The following GPR39 variants were observed in gnomAD, a reference collection of about 807,000 sequenced individuals.
GPR39 encodes zinc sensing receptor.
GPR39 carries 23 observed loss-of-function variants against 18.4 expected under a neutral mutation model. The ratio of observed to expected loss-of-function variants is 1.25; its 90% CI spans 0.90 to 1.77. GPR39 has a LOEUF of 1.77. Among genes scored for constraint, GPR39 ranks in the 40% most tolerant of loss-of-function variants. The pLI is 0.00. For missense variants in GPR39, 647 were observed against 602.4 expected (o/e 1.07, Z -0.78); for synonymous variants, 280 against 257.9 (o/e 1.09, Z -0.82).
At chr2:132,574,757 T>C (rs533109313) in intron 1 of GPR39, among the ~76,000 whole-genome samples, 74 of 152,360 alleles carry the variant, frequency 4.9e-4, no homozygotes, top group Admixed American at 4.0e-3. Flanking sequence ...TGTTACAATT[T>C]ATTCTATTAG....
intron 1 of GPR39, among the ~76,000 whole-genome samples, chr2:132,630,094 C>G (rs998342733): frequency 1.3e-5 from 2 of 152,176 alleles, no homozygotes; most frequent in African/African-American, 4.8e-5. Flanking sequence ...CTATGCCAAG[C>G]ACTGCAGACG....
At chr2:132,643,538 C>G (rs1681907271) in intron 1 of GPR39, among the ~76,000 whole-genome samples, 1 of 152,180 alleles carries the variant, frequency 6.6e-6, no homozygotes, top group Non-Finnish European at 1.5e-5. Context: ...TTTATTGAGA[C>G]AGTTTCACTC....
intron 1 of GPR39, among the ~76,000 whole-genome samples, chr2:132,575,524 G>A (rs1680514720): frequency 6.6e-6 from 1 of 152,180 alleles, no homozygotes; most frequent in Non-Finnish European, 1.5e-5. Context: ...AAGCAACTGT[G>A]AAACTGTTTT....
At chr2:132,518,316 C>T (rs185550802) in intron 1 of GPR39, among the ~76,000 whole-genome samples, 1 of 152,256 alleles carries the variant, frequency 6.6e-6, no homozygotes, top group Admixed American at 6.5e-5. Flanking sequence ...GATTTATGTC[C>T]CTCTCCAATT....
chr2:132,428,339 T>C (rs927313562), intron 1 of GPR39, among the ~76,000 whole-genome samples: 2 of 152,224 alleles, frequency 1.3e-5, no homozygotes, highest in Admixed American at 6.5e-5. Context: ...TGGTTCCTCC[T>C]TTCAAGGAGC....
chr2:132,591,623 G>A (rs995721832), intron 1 of GPR39, among the ~76,000 whole-genome samples: 2 of 152,114 alleles, frequency 1.3e-5, no homozygotes, highest in South Asian at 2.1e-4. Flanking sequence ...TGTCCCTCTA[G>A]AGAACACTGA....
At chr2:132,565,670 G>C (rs1216253497) in intron 1 of GPR39, among the ~76,000 whole-genome samples, 86 of 146,172 alleles carry the variant, frequency 5.9e-4, no homozygotes, top group African/African-American at 1.8e-3. Context: ...TTGTTCTTGC[G>C]ATAGTTTACT....
chr2:132,565,471 A>G (rs1197077115), intron 1 of GPR39, among the ~76,000 whole-genome samples: 24 of 150,070 alleles, frequency 1.6e-4, no homozygotes, highest in Non-Finnish European at 3.0e-4. Context: ...ACATATGTAT[A>G]CATGTGCCAT....
chr2:132,555,493 C>T (rs1449313711), intron 1 of GPR39, among the ~76,000 whole-genome samples: 1 of 152,166 alleles, frequency 6.6e-6, no homozygotes, highest in Admixed American at 6.5e-5. Context: ...CAAGTTGGTG[C>T]TGGGGCTACT....
intron 1 of GPR39, among the ~76,000 whole-genome samples, chr2:132,525,872 G>T (rs1178179083): frequency 6.6e-6 from 1 of 152,204 alleles, no homozygotes; most frequent in African/African-American, 2.4e-5. Flanking sequence ...CCCAAAAAAG[G>T]GGGTGGGGGA....
chr2:132,476,566 G>A (rs1681130132), intron 1 of GPR39, among the ~76,000 whole-genome samples: 2 of 149,154 alleles, frequency 1.3e-5, no homozygotes, highest in South Asian at 2.2e-4. Flanking sequence ...AACCCGGGAG[G>A]TGGAGGTTGC....
intron 1 of GPR39, chr2:132,644,857 T>C (rs1005844130): frequency 1.6e-5 from 8 of 508,582 alleles, no homozygotes; most frequent in Non-Finnish European, 2.4e-5. Flanking sequence ...ATAAATACAC[T>C]GTCTAAAGCA....
intron 1 of GPR39, among the ~76,000 whole-genome samples, chr2:132,462,016 C>T (rs529690387): frequency 2.0e-5 from 3 of 152,260 alleles, no homozygotes; most frequent in Non-Finnish European, 4.4e-5. Flanking sequence ...ACCATGGGCC[C>T]GTCTAACATT....
At chr2:132,536,715 G>A (rs1021791801) in intron 1 of GPR39, among the ~76,000 whole-genome samples, 1 of 152,154 alleles carries the variant, frequency 6.6e-6, no homozygotes, top group Non-Finnish European at 1.5e-5. Flanking sequence ...TCTCTTTGTA[G>A]GTCTCTAAGA....
In GPR39 at chr2:132,464,842, A is replaced by G. The variant is rs139226339; in HGVS notation, c.856+46944A>G. On this transcript the variant is annotated intron_variant, in intron 1 of 1. Transcript: ENST00000329321. ...TAGAGGTGCTCTTGGAGACTCTAGC[A>G]TATTAGTCTTGTTCTCTTACACGTT... is the stretch of plus-strand genomic sequence containing the variant. 6.6e-3 allele frequency among the ~76,000 whole-genome samples: 1,012 copies of G among 152,264 alleles called. 10 individuals are homozygous for G. The highest frequency in any genetic ancestry group is 0.022 in the African/African-American group (926 of 41,548).
chr2:132,604,472 TA>T (rs2104844288), intron 1 of GPR39: 1 of 152,146 alleles, frequency 6.6e-6, no homozygotes, highest in South Asian at 2.1e-4. Context: ...GGGGAGAGAA[TA>T]CAACCTCTAC....
rs146623834 is a variant in GPR39 at position 132,610,506 on chromosome 2, G to A, written c.857-34595G>A. 1.5e-4 allele frequency among the ~76,000 whole-genome samples: 23 copies of A among 152,294 alleles called. No homozygotes were observed. The East Asian group carries it at 4.1e-3, about 27-fold the overall frequency. ...ATCTAGGATCTTTTGGCTGGGCACA[G>A]TGGCTCACATCTGTAATCTTAGCAC... On this transcript the variant is annotated intron_variant, in intron 1 of 1. Coordinates refer to ENST00000329321, the MANE Select transcript of GPR39 (RefSeq NM_001508.3).
At chr2:132,600,391 T>C (rs1162107034) in intron 1 of GPR39, among the ~76,000 whole-genome samples, 1 of 150,698 alleles carries the variant, frequency 6.6e-6, no homozygotes, top group African/African-American at 2.4e-5. Context: ...GAAAGGAAAA[T>C]AAAGATGAGA....
At chr2:132,528,730 C>T (rs1679555596) in intron 1 of GPR39, among the ~76,000 whole-genome samples, 1 of 152,152 alleles carries the variant, frequency 6.6e-6, no homozygotes, top group South Asian at 2.1e-4. Context: ...ATTTGGTTCT[C>T]TACTTGTCTA....
Sources: gnomAD v4.1 joint callset for allele counts (sites outside exome capture counted in the v4.1 genomes callset) on GRCh38, gnomAD v4.1.1 for gene constraint, MANE v1.5 for transcripts, NCBI Gene and HGNC (gene_info 2026-07-23, HGNC 2026-07-21) for gene names.